Variants in GK5 observed in about 807,000 individuals in gnomAD.
GK5 encodes the protein glycerol kinase 5, also known as ATP:glycerol 3-phosphotransferase 5.
In GK5, 39 loss-of-function variants were observed where a neutral mutation model predicts 77.3. The ratio of observed to expected loss-of-function variants is 0.50; its 90% confidence interval spans 0.39 to 0.66. GK5 has a LOEUF of 0.66. Ranked by LOEUF, GK5 falls within the 30% of genes least tolerant of loss-of-function variation. The pLI is 0.00. For synonymous variants in GK5, 211 were observed against 208.0 expected, an observed-to-expected ratio of 1.01 and a Z score of -0.13; for missense variants, 487 against 633.8, an observed-to-expected ratio of 0.77 and a Z score of 2.49.
At chr3:142,207,780 G>A (rs889044369) in intron 3 of GK5, among the ~76,000 whole-genome samples, 2 of 152,154 alleles carry the variant, frequency 1.3e-5, no homozygotes, top group African/African-American at 4.8e-5. Context: ...TCAACCTGCT[G>A]ATCCACCTAG....
intron 11 of GK5, among the ~76,000 whole-genome samples, chr3:142,180,448 G>A (rs952937440): frequency 7.2e-5 from 11 of 151,728 alleles, no homozygotes; most frequent in Non-Finnish European, 1.3e-4. Context: ...GATTACAGGC[G>A]CACACCACCA....
chr3:142,167,246 C>T (rs1445807998), intron 15 of GK5, among the ~76,000 whole-genome samples: 3 of 151,830 alleles, frequency 2.0e-5, no homozygotes, highest in Admixed American at 6.6e-5. Context: ...TGGTGGCACG[C>T]GCCTATAGTC....
Position 142,185,459 on chromosome 3 carries a change from C to T in GK5, c.816+470G>A, listed in dbSNP as rs1433080802. On this transcript the variant is annotated intron_variant, in intron 9 of 15. Transcript: ENST00000392993. ...AAATGGCAAATATTTCATTATTCTA[C>T]AAACTTATTTACTGGTAGATGATGG... The T allele has an allele frequency of 8.4e-6, 8 of 955,422 alleles. No individual in the cohort carries two copies. In the African/African-American group the frequency reaches 8.9e-5, roughly 11 times the overall value. 59.2% of individuals were successfully genotyped at this position (955,422 alleles called of 1,614,324 possible). A position where few individuals can be genotyped will look rare whatever the true frequency, so the allele number is the denominator to read the frequency against.
At chr3:142,169,888 G>A (rs553652792) in intron 15 of GK5, among the ~76,000 whole-genome samples, 1 of 152,162 alleles carries the variant, frequency 6.6e-6, no homozygotes, top group South Asian at 2.1e-4. Context: ...AGCCAAGCTG[G>A]TCTTGAACTC....
chr3:142,208,583 C>T (rs553048834), intron 3 of GK5, among the ~76,000 whole-genome samples: 1 of 152,324 alleles, frequency 6.6e-6, no homozygotes, highest in South Asian at 2.1e-4. Flanking sequence ...GCACCTTTGT[C>T]AAAGATCAGA....
intron 12 of GK5, chr3:142,172,982 T>G (rs888049127): frequency 9.3e-6 from 2 of 214,604 alleles, no homozygotes; most frequent in Admixed American, 4.8e-5. Flanking sequence ...GAGGGAGGAT[T>G]GCTTCAGCCC....
At chr3:142,188,342 T>C (rs190186793) in intron 5 of GK5, among the ~76,000 whole-genome samples, 177 of 152,180 alleles carry the variant, frequency 1.2e-3, no homozygotes, top group African/African-American at 3.5e-3. Context: ...CCATTCTGGC[T>C]AACATGGTGA....
chr3:142,181,631 T>A (rs1331192275), intron 10 of GK5, 66 bp from the exon 11 acceptor site: 2 of 1,124,110 alleles, frequency 1.8e-6, no homozygotes, highest in East Asian at 4.9e-5. Context: ...ACTTCTACAA[T>A]GTAATGATTT....
At position 142,177,588 on chromosome 3, in the gene GK5, AAC is replaced by A; in HGVS notation, c.1049-14_1049-13del. 6.5e-7 allele frequency: 1 copy of A among 1,549,762 alleles called. No homozygotes were observed. The highest frequency in any genetic ancestry group is 1.1e-5 in the South Asian group (1 of 87,054). ...ATCTGTGAAAAGGTCTGCAAAAACAAACAAACAACAAAAAACCCTAAAACAAA... is the reference window on the plus strand; with the variant it reads ...ATCTGTGAAAAGGTCTGCAAAAACAAAAACAACAAAAAACCCTAAAACAAA... On this transcript the variant is annotated splice_polypyrimidine_tract_variant and intron_variant, in intron 11 of 15. Transcript: ENST00000392993.
intron 1 of GK5, among the ~76,000 whole-genome samples, chr3:142,217,670 A>G (rs2064290981): frequency 2.6e-5 from 4 of 152,214 alleles, no homozygotes; most frequent in Admixed American, 2.6e-4. Context: ...GAGGCTCAGG[A>G]AAACTTTACC....
intron 9 of GK5, chr3:142,184,855 A>G: frequency 1.0e-6 from 1 of 985,680 alleles, no homozygotes; most frequent in Non-Finnish European, 1.2e-6. Context: ...AAACAACAAC[A>G]ACAACAACAA....
In GK5 at chr3:142,163,804, TG is replaced by T. The variant is rs2063445645; in HGVS notation, c.*1817del. 1 of 151,520 alleles carries T rather than the reference TG, an allele frequency of 6.6e-6. No homozygotes were observed. Among genetic ancestry groups the T allele is most frequent in the East Asian group, 1.9e-4 (1 of 5,146 alleles). 9.4% of individuals were successfully genotyped at this position (151,520 alleles called of 1,614,324 possible). A position where few individuals can be genotyped will look rare whatever the true frequency, so the allele number is the denominator to read the frequency against. On this transcript the variant is annotated 3_prime_UTR_variant, in exon 16 of 16. Transcript: ENST00000392993. ...TGAGGCCAGGAATTAAAGACTACCC[TG>T]GGCAACACAGCAAGACCCTGTCTCT...
chr3:142,201,753 T>C (rs2064028351), intron 4 of GK5, among the ~76,000 whole-genome samples: 1 of 152,228 alleles, frequency 6.6e-6, no homozygotes, highest in Non-Finnish European at 1.5e-5. Flanking sequence ...CTATAGTTTT[T>C]CAAAATTTTA....
Position 142,198,912 on chromosome 3 carries a change from C to T in GK5, c.433G>A (p.Val145Met). 1.2e-6 allele frequency: 2 copies of T among 1,612,246 alleles called. No individual in the cohort carries two copies. The highest frequency in any genetic ancestry group is 1.7e-6 in the Non-Finnish European group (2 of 1,178,766). ...LMKIFHSSCR[V>M]LHFFTRSKRL... is the part of the protein sequence containing the mutation. ...TTACTTCTAGTGAAAAAGTGAAGCA[C>T]TCGGCAAGAACTGTGAAATATCTAT... Residue 145 changes from valine (V) to methionine (M), a missense_variant, in exon 5 of 16, where the codon GTG (valine) becomes ATG (methionine). Physicochemically the swap from Val to Met is conservative, Grantham distance 21. Coordinates refer to ENST00000392993, the MANE Select transcript of GK5 (RefSeq NM_001039547.3).
chr3:142,205,810 G>A (rs2064097534), intron 3 of GK5, among the ~76,000 whole-genome samples: 1 of 152,174 alleles, frequency 6.6e-6, no homozygotes, highest in South Asian at 2.1e-4. Context: ...TTCAGTGGCA[G>A]TAAGTACATT....
intron 1 of GK5, among the ~76,000 whole-genome samples, chr3:142,221,182 T>A (rs891787010): frequency 3.3e-5 from 5 of 152,232 alleles, no homozygotes; most frequent in Non-Finnish European, 7.3e-5. Context: ...CAAGGTGATG[T>A]GGAAAAAGAA....
At position 142,158,550 on chromosome 3, in the gene GK5, CAAT is replaced by C. The variant is rs1334090187; in HGVS notation, c.*7069_*7071del. 6.6e-6 allele frequency: 1 copy of C among 152,448 alleles called. No homozygotes were observed. The highest frequency in any genetic ancestry group is 1.9e-4 in the East Asian group (1 of 5,200). 9.4% of individuals were successfully genotyped at this position (152,448 alleles called of 1,614,324 possible). A position where few individuals can be genotyped will look rare whatever the true frequency, so the allele number is the denominator to read the frequency against. On this transcript the variant is annotated 3_prime_UTR_variant, in exon 16 of 16. Transcript: ENST00000392993. Reference sequence around the variant, plus strand: ...CCTTGATTTTTTGTATAGATCTTAACAATGATTTATGAGGTTCTCAATGACAAT... The same window carrying C: ...CCTTGATTTTTTGTATAGATCTTAACGATTTATGAGGTTCTCAATGACAAT...
chr3:142,225,556 C>A lies in GK5; in HGVS notation c.-101G>T. 1 of 1,425,016 alleles carries A rather than the reference C, an allele frequency of 7.0e-7. No individual in the cohort carries two copies. The highest frequency in any genetic ancestry group is 9.3e-7 in the Non-Finnish European group (1 of 1,069,748). The allele number at this position is 1,425,016 out of a possible 1,614,324, so 88.3% of individuals were successfully genotyped here. Reference sequence around the variant, plus strand: ...CGGGCGGCCCAACCCGGGCCCCAACCCGGCTCAGCCGGAGAGCCTAGAGAG... The same window carrying A: ...CGGGCGGCCCAACCCGGGCCCCAACACGGCTCAGCCGGAGAGCCTAGAGAG... On this transcript the variant is annotated 5_prime_UTR_variant, in exon 1 of 16. Transcript: ENST00000392993.
intron 2 of GK5, among the ~76,000 whole-genome samples, chr3:142,213,876 G>A (rs1196197802): frequency 6.6e-6 from 1 of 152,156 alleles, no homozygotes; most frequent in Non-Finnish European, 1.5e-5. Flanking sequence ...AGGCTGCAGT[G>A]CAGTGGCACA....
Sources: gnomAD v4.1 joint callset for allele counts (sites outside exome capture counted in the v4.1 genomes callset) on GRCh38, gnomAD v4.1.1 for gene constraint, MANE v1.5 for transcripts, NCBI Gene and HGNC (gene_info 2026-07-23, HGNC 2026-07-21) for gene names.